The following TBX4 variants were observed in gnomAD, a reference collection of about 807,000 sequenced individuals.
TBX4 encodes T-box transcription factor TBX4.
In TBX4, 13 loss-of-function variants were observed where a neutral mutation model predicts 54.6. That is an observed-to-expected ratio of 0.24 (90% confidence interval 0.15 to 0.38). TBX4 has a LOEUF of 0.38. TBX4 is among the 10% of genes least tolerant of loss of function. The pLI, the probability that TBX4 is intolerant of heterozygous loss-of-function variation, is 1.00. For missense variants in TBX4, 631 were observed against 728.5 expected (o/e 0.87, Z 1.54); for synonymous variants, 314 against 306.7 (o/e 1.02, Z -0.25).
At chr17:61,456,062 CAGG>C (rs1229692276) in intron 1 of TBX4, among the ~76,000 whole-genome samples, 1 of 152,140 alleles carries the variant, frequency 6.6e-6, no homozygotes, top group East Asian at 1.9e-4. Context: ...CCTGCATGGC[CAGG>C]AGGTGTCCTG....
intron 8 of TBX4, among the ~76,000 whole-genome samples, chr17:61,482,090 T>A (rs530280872): frequency 1.3e-5 from 2 of 152,250 alleles, no homozygotes; most frequent in South Asian, 4.2e-4. Flanking sequence ...TTAAATTGGC[T>A]CAGTGGGCTG....
Position 61,484,470 on chromosome 17 carries a change from C to T in TBX4, c.*954C>T, listed in dbSNP as rs984457496. On this transcript the variant is annotated 3_prime_UTR_variant, in exon 9 of 9. Coordinates refer to ENST00000644296, the MANE Select transcript of TBX4 (RefSeq NM_001321120.2). The surrounding 1 kb of genome is among the most constrained non-coding windows in gnomAD (Gnocchi z 4.1). ...CACTGGAGCTGATGTCTGGCATCTC[C>T]AGGGCCTGTTCTGCTCTCAGAAAAT... The T allele has an allele frequency of 6.6e-6, 1 of 152,130 alleles. No homozygotes were observed. The highest frequency in any genetic ancestry group is 1.5e-5 in the Non-Finnish European group (1 of 68,018). 9.4% of individuals were successfully genotyped at this position (152,130 alleles called of 1,614,324 possible).
chr17:61,480,404 C>T lies in TBX4; in HGVS notation c.1021+85C>T, dbSNP rs543641569. On this transcript the variant is annotated intron_variant, in intron 8 of 8. Transcript: ENST00000644296. The surrounding 1 kb of genome is among the most constrained non-coding windows in gnomAD (Gnocchi z 6.2). The stretch of plus-strand genomic sequence containing the variant: ...AAACCACTCTGCAGCGCCCCCCCCC[C>T]CAACACACACACACTCATCTCGTGC... 5.0e-5 allele frequency: 51 copies of T among 1,018,286 alleles called. No homozygotes were observed. The South Asian group carries it at 5.3e-4, about 11-fold the overall frequency. 63.1% of individuals were successfully genotyped at this position (1,018,286 alleles called of 1,614,324 possible). A position where few individuals can be genotyped will look rare whatever the true frequency, so the allele number is the denominator to read the frequency against.
chr17:61,463,784 G>A (rs1399311454), intron 3 of TBX4, among the ~76,000 whole-genome samples: 1 of 152,222 alleles, frequency 6.6e-6, no homozygotes. Context: ...GTATGGCCAG[G>A]GCTGCCCCAT....
In TBX4 at chr17:61,457,457, G is replaced by A. The variant is rs1300121021; in HGVS notation, c.187-80G>A. On this transcript the variant is annotated intron_variant, in intron 2 of 8. Transcript: ENST00000644296. The surrounding 1 kb of genome is among the most constrained non-coding windows in gnomAD (Gnocchi z 8.2). The stretch of plus-strand genomic sequence containing the variant: ...CGGGCAGGGTTCCGCACAGCTCTTC[G>A]GGTCTGGTTCTTCTTTCCTCAGGCT... 1 of 1,376,078 alleles carries A rather than the reference G, an allele frequency of 7.3e-7. No individual in the cohort carries two copies. The highest frequency in any genetic ancestry group is 1.0e-6 in the Non-Finnish European group (1 of 964,260). The allele number at this position is 1,376,078 out of a possible 1,614,324, so 85.2% of individuals were successfully genotyped here. A position where few individuals can be genotyped will look rare whatever the true frequency, so the allele number is the denominator to read the frequency against.
chr17:61,477,159 C>CT (rs1249729950), intron 5 of TBX4, among the ~76,000 whole-genome samples: 1 of 152,256 alleles, frequency 6.6e-6, no homozygotes, highest in East Asian at 1.9e-4. Context: ...GAGGGCCCGC[C>CT]TGGCCTGGCC....
Position 61,483,653 on chromosome 17 carries a change from T to TGC in TBX4, c.*137_*138insGC. 9.3e-7 allele frequency: 1 copy of TGC among 1,076,476 alleles called. No homozygotes were observed. Among genetic ancestry groups the TGC allele is most frequent in the South Asian group, 1.4e-5 (1 of 71,806 alleles). 66.7% of individuals were successfully genotyped at this position (1,076,476 alleles called of 1,614,324 possible). On this transcript the variant is annotated 3_prime_UTR_variant, in exon 9 of 9. Transcript: ENST00000644296. This position sits in a 1 kb window ranked among gnomAD's most constrained non-coding sequence, Gnocchi z 6.6. Reference sequence around the variant, plus strand: ...GTGTGTGTGTGTGTGTGTGTGTGTGTATACACGAGCATGTATGTATTTGGA... The same window carrying TGC: ...GTGTGTGTGTGTGTGTGTGTGTGTGTGCATACACGAGCATGTATGTATTTGGA...
rs1375989949 is a variant in TBX4 at position 61,483,178 on chromosome 17, A to G, written c.1303A>G (p.Met435Val). The change falls in exon 9 of 9, where the codon ATG becomes GTG. Residue 435 changes from methionine to valine, a missense_variant. Coordinates refer to ENST00000644296, the MANE Select transcript of TBX4 (RefSeq NM_001321120.2). The surrounding 1 kb of genome is among the most constrained non-coding windows in gnomAD (Gnocchi z 6.6). ...SPYTSYSVQT[M>V]ETVPYQPFPT... ...GTACACCAGCTATAGCGTGCAGACGATGGAGACTGTGCCGTACCAGCCCTT... is the reference window on the plus strand; with the variant it reads ...GTACACCAGCTATAGCGTGCAGACGGTGGAGACTGTGCCGTACCAGCCCTT... The G allele has an allele frequency of 1.2e-6, 2 of 1,613,950 alleles. No homozygotes were observed. The highest frequency in any genetic ancestry group is 2.7e-5 in the African/African-American group (2 of 74,874).
chr17:61,479,084 C>T lies in TBX4; in HGVS notation c.702+305C>T, dbSNP rs2060643543. Among the ~76,000 whole-genome samples the T allele has an allele frequency of 1.3e-5, 2 of 152,192 alleles. No individual in the cohort carries two copies. ...TCTGCCTTGTGGTTTGAGCATTGGG[C>T]CCTTTCATTCCACAATGTTCTTTCT... On this transcript the variant is annotated intron_variant, in intron 6 of 8. Coordinates refer to ENST00000644296, the MANE Select transcript of TBX4 (RefSeq NM_001321120.2). This position sits in a 1 kb window ranked among gnomAD's most constrained non-coding sequence, Gnocchi z 6.1.
intron 5 of TBX4, among the ~76,000 whole-genome samples, chr17:61,468,106 A>C (rs1220012855): frequency 3.9e-5 from 6 of 152,224 alleles, no homozygotes; most frequent in South Asian, 2.1e-4. Context: ...TTTTCGAGCG[A>C]GAGTCACGGA....
In TBX4 at chr17:61,472,276, A is replaced by G. The variant is rs1194791179; in HGVS notation, c.549+4619A>G. On this transcript the variant is annotated intron_variant, in intron 5 of 8. Coordinates refer to ENST00000644296, the MANE Select transcript of TBX4 (RefSeq NM_001321120.2). This position sits in a 1 kb window ranked among gnomAD's most constrained non-coding sequence, Gnocchi z 4.5. ...CTCCATGGGAGCTGTACTGATGTAT[A>G]TATTTCCACCACTGCTGTGGCCTTA... is the stretch of plus-strand genomic sequence containing the variant. Among the ~76,000 whole-genome samples, 1 of 152,212 alleles carries G rather than the reference A, an allele frequency of 6.6e-6. No homozygotes were observed. Among genetic ancestry groups the G allele is most frequent in the African/African-American group, 2.4e-5 (1 of 41,446 alleles).
chr17:61,456,477 T>C lies in TBX4; in HGVS notation c.-3-11T>C. The C allele has an allele frequency of 1.3e-6, 2 of 1,563,942 alleles. No individual in the cohort carries two copies. Among genetic ancestry groups the C allele is most frequent in the South Asian group, 2.4e-5 (2 of 84,850 alleles). On this transcript the variant is annotated splice_polypyrimidine_tract_variant and intron_variant, in intron 1 of 8. Coordinates refer to ENST00000644296, the MANE Select transcript of TBX4 (RefSeq NM_001321120.2). Reference sequence around the variant, plus strand: ...CCTGGGCGAGTGACTCGTTGTGTGCTGTGCCCGCAGGAGATGCTGCAGGAT... The same window carrying C: ...CCTGGGCGAGTGACTCGTTGTGTGCCGTGCCCGCAGGAGATGCTGCAGGAT...
At chr17:61,469,121 T>G (rs892554605) in intron 5 of TBX4, among the ~76,000 whole-genome samples, 6 of 152,240 alleles carry the variant, frequency 3.9e-5, no homozygotes, top group Admixed American at 1.3e-4. Flanking sequence ...ATGAGCCAGC[T>G]TGTTGTCAGG....
Position 61,457,710 on chromosome 17 carries a change from G to A in TBX4, c.281+79G>A. ...AGGGAGGTCCCTTAGAAGTCCTCTC[G>A]GCCCCGGCCTGGTGGCCTGTGGGAG... is the stretch of plus-strand genomic sequence containing the variant. On this transcript the variant is annotated intron_variant, in intron 3 of 8. Transcript: ENST00000644296. The surrounding 1 kb of genome is among the most constrained non-coding windows in gnomAD (Gnocchi z 8.2). The A allele has an allele frequency of 7.1e-7, 1 of 1,401,596 alleles. No individual in the cohort carries two copies. The highest frequency in any genetic ancestry group is 1.2e-5 in the South Asian group (1 of 83,936). The allele number at this position is 1,401,596 out of a possible 1,614,324, so 86.8% of individuals were successfully genotyped here. A position where few individuals can be genotyped will look rare whatever the true frequency, so the allele number is the denominator to read the frequency against.
intron 5 of TBX4, among the ~76,000 whole-genome samples, chr17:61,470,093 C>T (rs2060566255): frequency 6.6e-6 from 1 of 152,180 alleles, no homozygotes; most frequent in Non-Finnish European, 1.5e-5. Context: ...GGTGGGCTCT[C>T]TCCTCGCGAA....
In TBX4 at chr17:61,479,299, A is replaced by G. The variant is rs1418409517; in HGVS notation, c.702+520A>G. Among the ~76,000 whole-genome samples the G allele has an allele frequency of 1.3e-5, 2 of 152,142 alleles. No homozygotes were observed. The highest frequency in any genetic ancestry group is 2.4e-5 in the African/African-American group (1 of 41,412). On this transcript the variant is annotated intron_variant, in intron 6 of 8. Coordinates refer to ENST00000644296, the MANE Select transcript of TBX4 (RefSeq NM_001321120.2). This position sits in a 1 kb window ranked among gnomAD's most constrained non-coding sequence, Gnocchi z 6.1. ...AGCCCGGCCACCCCCACTGCATCCC[A>G]GTCACTGACAGCCGTGCTCTGCCGC...
rs1408527335 is a variant in TBX4, at chr17:61,479,597, G to A, written c.703-284G>A. On this transcript the variant is annotated intron_variant, in intron 6 of 8. Transcript: ENST00000644296. This position sits in a 1 kb window ranked among gnomAD's most constrained non-coding sequence, Gnocchi z 6.1. Reference sequence around the variant, plus strand: ...GGAGCAGGAGAAAGAATCAGAGGGTGGAGAGCAAGGAGTAGGGAGCCAGGG... The same window carrying A: ...GGAGCAGGAGAAAGAATCAGAGGGTAGAGAGCAAGGAGTAGGGAGCCAGGG... Among the ~76,000 whole-genome samples, 1 of 152,138 alleles carries A rather than the reference G, an allele frequency of 6.6e-6. No homozygotes were observed. The highest frequency in any genetic ancestry group is 1.5e-5 in the Non-Finnish European group (1 of 68,016).
Position 61,474,489 on chromosome 17 carries a change from G to A in TBX4, c.550-4138G>A, listed in dbSNP as rs1047111048. Among the ~76,000 whole-genome samples, 7 of 152,216 alleles carry A rather than the reference G, an allele frequency of 4.6e-5. No individual in the cohort carries two copies. The highest frequency in any genetic ancestry group is 1.4e-4 in the African/African-American group (6 of 41,448). Reference sequence around the variant, plus strand: ...TGGACACGAATGATCTCAATGGCCTGCCTCTCCATGCCCTAATGTTCTGTG... The same window carrying A: ...TGGACACGAATGATCTCAATGGCCTACCTCTCCATGCCCTAATGTTCTGTG... On this transcript the variant is annotated intron_variant, in intron 5 of 8. Transcript: ENST00000644296. This position sits in a 1 kb window ranked among gnomAD's most constrained non-coding sequence, Gnocchi z 4.6.
At position 61,456,626 on chromosome 17, in the gene TBX4, A is replaced by G; in HGVS notation, c.136A>G (p.Ser46Gly). The G allele has an allele frequency of 1.4e-6, 2 of 1,384,892 alleles. No individual in the cohort carries two copies. The highest frequency in any genetic ancestry group is 1.8e-5 in the South Asian group (1 of 56,630). 85.8% of individuals were successfully genotyped at this position (1,384,892 alleles called of 1,614,324 possible). ...GGGCCTCAGCGGAGCCGCGCTAGGC[A>G]GCCCCCCGGGACCCGGGGCCGACGT... is the stretch of plus-strand genomic sequence containing the variant. ...APGLSGAALG[S>G]PPGPGADVVA... The change falls in exon 2 of 9, where the codon AGC (serine) becomes GGC (glycine). Residue 46 changes from serine (S) to glycine (G), a missense_variant. Coordinates refer to ENST00000644296, the MANE Select transcript of TBX4 (RefSeq NM_001321120.2).
Sources: gnomAD v4.1 joint callset for allele counts (sites outside exome capture counted in the v4.1 genomes callset) on GRCh38, gnomAD v4.1.1 for gene constraint, Gnocchi (gnomAD v3.1) non-coding constraint, MANE v1.5 for transcripts, NCBI Gene and HGNC (gene_info 2026-07-23, HGNC 2026-07-21) for gene names.